Variants in MSRA observed in about 807,000 individuals in gnomAD.
MSRA encodes mitochondrial peptide methionine sulfoxide reductase.
Under a neutral mutation model 31.3 loss-of-function variants are expected in MSRA, and 54 were observed. The observed-to-expected ratio is 1.73, with a 90% CI of 1.39 to 2.17. The LOEUF (loss-of-function observed/expected upper bound fraction) is 2.17. Ranked by LOEUF, MSRA falls within the 30% of genes most tolerant of loss-of-function variation. MSRA has a pLI of 0.00. For missense variants in MSRA, 507 were observed against 300.9 expected (o/e 1.69, Z -5.07); for synonymous variants, 169 against 116.5 (o/e 1.45, Z -2.90).
chr8:10,387,396 C>G (rs181848735), intron 5 of MSRA, among the ~76,000 whole-genome samples: 5 of 152,208 alleles, frequency 3.3e-5, no homozygotes, highest in African/African-American at 1.2e-4. Context: ...AAAGGCATAC[C>G]CATGTATTAA....
At chr8:10,386,090 A>G (rs978111092) in intron 5 of MSRA, among the ~76,000 whole-genome samples, 3 of 152,202 alleles carry the variant, frequency 2.0e-5, no homozygotes, top group Non-Finnish European at 2.9e-5. Flanking sequence ...CATAGGGGCC[A>G]TTGAAGTGCC....
chr8:10,407,495 T>C (rs1324105634), intron 5 of MSRA, among the ~76,000 whole-genome samples: 1 of 152,156 alleles, frequency 6.6e-6, no homozygotes, highest in Non-Finnish European at 1.5e-5. Flanking sequence ...GCTATGGACA[T>C]TGGATGGGGA....
At chr8:10,073,015 A>C (rs183146016) in intron 1 of MSRA, among the ~76,000 whole-genome samples, 513 of 152,290 alleles carry the variant, frequency 3.4e-3, no homozygotes, top group South Asian at 0.01. Flanking sequence ...CAGATATTCT[A>C]CATAGATAAC....
intron 1 of MSRA, among the ~76,000 whole-genome samples, chr8:10,064,994 A>G (rs921775386): frequency 6.6e-6 from 1 of 152,066 alleles, no homozygotes; most frequent in African/African-American, 2.4e-5. Flanking sequence ...GCAGAATGGA[A>G]TGGTAGGCTG....
chr8:10,164,073 T>C (rs528352344), intron 1 of MSRA, among the ~76,000 whole-genome samples: 2 of 152,378 alleles, frequency 1.3e-5, no homozygotes, highest in South Asian at 4.1e-4. Context: ...TTTTCTTTTC[T>C]GTTCTCCTGT....
intron 1 of MSRA, among the ~76,000 whole-genome samples, chr8:10,162,296 G>GC (rs1804733684): frequency 1.3e-5 from 2 of 152,114 alleles, no homozygotes; most frequent in Non-Finnish European, 2.9e-5. Flanking sequence ...GGGATTGGTG[G>GC]CCTTATAAAA....
intron 5 of MSRA, among the ~76,000 whole-genome samples, chr8:10,331,498 A>T (rs560531364): frequency 1.3e-5 from 2 of 152,200 alleles, no homozygotes; most frequent in Non-Finnish European, 2.9e-5. Flanking sequence ...TGACTTGCCT[A>T]TGAGGAAACT....
chr8:10,099,780 G>A (rs1402017984), intron 1 of MSRA, among the ~76,000 whole-genome samples: 1 of 152,182 alleles, frequency 6.6e-6, no homozygotes, highest in Non-Finnish European at 1.5e-5. Flanking sequence ...GAGATGATAT[G>A]AAACAAGGAC....
intron 1 of MSRA, among the ~76,000 whole-genome samples, chr8:10,110,988 T>A (rs1306449661): frequency 1.3e-5 from 2 of 152,178 alleles, no homozygotes; most frequent in Non-Finnish European, 2.9e-5. Flanking sequence ...AAGTCACATT[T>A]TTATGTAGGT....
chr8:10,370,960 C>T (rs570334500), intron 5 of MSRA, among the ~76,000 whole-genome samples: 1 of 152,160 alleles, frequency 6.6e-6, no homozygotes, highest in Admixed American at 6.5e-5. Flanking sequence ...CATGAGAAGA[C>T]GTGTCTGAAG....
intron 2 of MSRA, among the ~76,000 whole-genome samples, chr8:10,219,493 A>C (rs1444962719): frequency 1.3e-5 from 2 of 152,116 alleles, no homozygotes; most frequent in African/African-American, 4.8e-5. Flanking sequence ...TGAATAAGGT[A>C]AATAAAAATA....
At chr8:10,285,877 T>A (rs1372515673) in intron 3 of MSRA, among the ~76,000 whole-genome samples, 4 of 152,336 alleles carry the variant, frequency 2.6e-5, no homozygotes, top group African/African-American at 9.6e-5. Context: ...AAAGCTGTAT[T>A]TCTTCTTCTG....
intron 5 of MSRA, among the ~76,000 whole-genome samples, chr8:10,396,398 TA>T (rs1320661825): frequency 6.6e-6 from 1 of 152,168 alleles, no homozygotes; most frequent in Non-Finnish European, 1.5e-5. Flanking sequence ...TTCGGTATGA[TA>T]AAAGTCTATA....
intron 5 of MSRA, among the ~76,000 whole-genome samples, chr8:10,360,088 C>G (rs1056909811): frequency 6.6e-6 from 1 of 152,220 alleles, no homozygotes; most frequent in Non-Finnish European, 1.5e-5. Flanking sequence ...CAGCTCCAGC[C>G]TCTTCACCCA....
rs747157456 is a variant in MSRA at position 10,350,084 on chromosome 8, G to A, written c.543+30095G>A. 4.6e-5 allele frequency among the ~76,000 whole-genome samples: 7 copies of A among 152,208 alleles called. No homozygotes were observed. The South Asian group carries it at 1.2e-3, about 27-fold the overall frequency. On this transcript the variant is annotated intron_variant, in intron 5 of 5. Coordinates refer to ENST00000317173, the MANE Select transcript of MSRA (RefSeq NM_012331.5). ...TGTACTTGAAACTTTCCATTCTCCA[G>A]CTGGGCCATTTGGGGCACTTCCTGT...
chr8:10,286,077 G>C (rs1268283524), intron 3 of MSRA, among the ~76,000 whole-genome samples: 1 of 152,088 alleles, frequency 6.6e-6, no homozygotes, highest in Admixed American at 6.6e-5. Flanking sequence ...TGGGCACCGT[G>C]TCTGCCAGCA....
chr8:10,395,760 T>G (rs919942949), intron 5 of MSRA, among the ~76,000 whole-genome samples: 1 of 152,188 alleles, frequency 6.6e-6, no homozygotes, highest in Non-Finnish European at 1.5e-5. Flanking sequence ...AAACCCTCCC[T>G]GAAGTCCAAT....
At chr8:10,265,370 A>T (rs1190462877) in intron 3 of MSRA, among the ~76,000 whole-genome samples, 3 of 152,136 alleles carry the variant, frequency 2.0e-5, no homozygotes, top group African/African-American at 7.2e-5. Context: ...TCTGGGCAGC[A>T]TTCAGCTCTG....
intron 3 of MSRA, among the ~76,000 whole-genome samples, chr8:10,247,777 T>G (rs1797701675): frequency 6.6e-6 from 1 of 152,174 alleles, no homozygotes; most frequent in South Asian, 2.1e-4. Flanking sequence ...CCTAGGCTTT[T>G]TTGTTGTTGT....
Sources: allele counts gnomAD v4.1 joint callset (sites outside exome capture counted in the v4.1 genomes callset), GRCh38; gene constraint gnomAD v4.1.1; transcripts MANE v1.5; gene names NCBI Gene and HGNC (gene_info 2026-07-23, HGNC 2026-07-21).